ABI2: variants seen among roughly 807,000 people sequenced by gnomAD.
ABI2 encodes the protein abelson interactor 2.
A neutral mutation model predicts 59.2 loss-of-function variants in ABI2; 25 were observed. That is an observed-to-expected ratio of 0.42 (90% CI 0.31 to 0.59). The LOEUF (loss-of-function observed/expected upper bound fraction) is 0.59, where lower values mean the gene tolerates loss of function less well. Among genes scored for constraint, ABI2 ranks in the 20% least tolerant of loss-of-function variants. The pLI, the probability that ABI2 is intolerant of heterozygous loss-of-function variation, is 0.14. For missense variants in ABI2, 545 were observed against 681.8 expected, an observed-to-expected ratio of 0.80 and a Z score of 2.23; for synonymous variants, 213 against 235.5, an observed-to-expected ratio of 0.90 and a Z score of 0.87.
intron 4 of ABI2, 145 bp downstream of exon 4, chr2:203,382,351 T>G (rs191090792): frequency 6.7e-4 from 489 of 728,730 alleles, no homozygotes; most frequent in Non-Finnish European, 9.5e-4. Context: ...CATGCAACTT[T>G]GTGGTGTGTC....
Position 203,379,601 on chromosome 2 carries a change from T to G in ABI2, c.286-607T>G, listed in dbSNP as rs529730887. Among the ~76,000 whole-genome samples the G allele has an allele frequency of 5.3e-5, 8 of 152,184 alleles. No homozygotes were observed. The South Asian group carries it at 1.4e-3, about 28-fold the overall frequency. On this transcript the variant is annotated intron_variant, in intron 2 of 11. Transcript: ENST00000261018. ...AAATAAAAAGATGTTTAAACATGAA[T>G]AGAAATTATACTAATAGGTCATTAG...
intron 1 of ABI2, among the ~76,000 whole-genome samples, chr2:203,343,808 A>G (rs771562083): frequency 8.5e-5 from 13 of 152,180 alleles, no homozygotes; most frequent in Non-Finnish European, 1.5e-4. Context: ...CCTTTCCAAA[A>G]GTAACAGTTT....
At chr2:203,401,620 T>C (rs3769676) in intron 8 of ABI2, among the ~76,000 whole-genome samples, 40,770 of 152,086 alleles carry the variant, frequency 0.27, 6,800 homozygotes, top group South Asian at 0.51. Context: ...AGGGATGATA[T>C]TAAAAATAAG....
intron 4 of ABI2, among the ~76,000 whole-genome samples, chr2:203,388,949 G>A (rs1336446004): frequency 6.6e-6 from 1 of 151,884 alleles, no homozygotes; most frequent in Admixed American, 6.6e-5. Flanking sequence ...AATTGATGTA[G>A]TTTTAGTGTT....
intron 1 of ABI2, among the ~76,000 whole-genome samples, chr2:203,363,706 A>G (rs1221751726): frequency 6.6e-6 from 1 of 152,036 alleles, no homozygotes; most frequent in Non-Finnish European, 1.5e-5. Flanking sequence ...AAATGACTGA[A>G]TCTCATTATT....
At chr2:203,401,967 T>C (rs536915353) in intron 8 of ABI2, among the ~76,000 whole-genome samples, 2 of 152,334 alleles carry the variant, frequency 1.3e-5, no homozygotes, top group South Asian at 4.1e-4. Flanking sequence ...AGATAAATTT[T>C]AATTAATTGT....
At position 203,391,092 on chromosome 2, in the gene ABI2, C is replaced by T; in HGVS notation, c.527C>T (p.Pro176Leu). 1 of 1,613,964 alleles carries T rather than the reference C, an allele frequency of 6.2e-7. No homozygotes were observed. The highest frequency in any genetic ancestry group is 1.1e-5 in the South Asian group (1 of 91,046). Reference sequence around the variant, plus strand: ...ATGGGTGGGCTGCCGCGTACAACACCTCCAACTCAGAAGCCCCCTAGTCCC... The same window carrying T: ...ATGGGTGGGCTGCCGCGTACAACACTTCCAACTCAGAAGCCCCCTAGTCCC... The part of the protein sequence containing the change: ...MKMGGLPRTT[P>L]PTQKPPSPPM... The change falls in exon 5 of 12, where the codon CCT becomes CTT. Residue 176 changes from proline (P) to leucine (L), a missense_variant. By Grantham distance (98) the Pro-to-Leu change is moderately conservative. This residue lies in a region of ABI2 where 410 missense variants were observed against 435.6 expected (regional missense o/e 0.94). Coordinates refer to ENST00000261018, the MANE Select transcript of ABI2 (RefSeq NM_001375670.1).
At chr2:203,395,451 A>ACG (rs1559322942) in intron 6 of ABI2, among the ~76,000 whole-genome samples, 2 of 134,328 alleles carry the variant, frequency 1.5e-5, no homozygotes, top group Non-Finnish European at 3.1e-5. Flanking sequence ...ATATATATAC[A>ACG]CACACACACA....
At chr2:203,407,781 T>G (rs2097492338) in intron 9 of ABI2, among the ~76,000 whole-genome samples, 1 of 152,188 alleles carries the variant, frequency 6.6e-6, no homozygotes, top group South Asian at 2.1e-4. Flanking sequence ...TGCTTCCTGC[T>G]CTTCTTTGCC....
At chr2:203,352,771 A>G (rs943761603) in intron 1 of ABI2, among the ~76,000 whole-genome samples, 2 of 152,256 alleles carry the variant, frequency 1.3e-5, no homozygotes, top group Non-Finnish European at 2.9e-5. Flanking sequence ...AGTACTGTAC[A>G]GTAATGTCCT....
Position 203,408,833 on chromosome 2 carries a change from CT to C in ABI2, c.1193-2436del, listed in dbSNP as rs1156536730. Among the ~76,000 whole-genome samples the C allele has an allele frequency of 1.6e-3, 136 of 87,212 alleles. 5 individuals carry two copies. In the South Asian group the frequency reaches 0.017, roughly 11 times the overall value. The allele number at this position is 87,212 out of a possible 152,430, so 57.2% of individuals were successfully genotyped here. On this transcript the variant is annotated intron_variant, in intron 9 of 11. Transcript: ENST00000261018. ...TTTTGTCTATGCTACCTTCTCCTTT[CT>C]TTTTTTTTTTTTTTTGAGACGGAGT...
At chr2:203,374,633 CTT>C (rs1473517258) in intron 2 of ABI2, among the ~76,000 whole-genome samples, 1 of 151,322 alleles carries the variant, frequency 6.6e-6, no homozygotes, top group Non-Finnish European at 1.5e-5. Context: ...TTTTATATCA[CTT>C]TATATAAAAA....
chr2:203,364,852 A>G (rs1040142137), intron 1 of ABI2, among the ~76,000 whole-genome samples: 5 of 151,210 alleles, frequency 3.3e-5, no homozygotes, highest in East Asian at 2.0e-4. Context: ...TCCCACCTCA[A>G]CCTCTCTAGT....
At chr2:203,411,858 G>A (rs2097690009) in intron 10 of ABI2, among the ~76,000 whole-genome samples, 1 of 152,148 alleles carries the variant, frequency 6.6e-6, no homozygotes, top group Non-Finnish European at 1.5e-5. Flanking sequence ...GCCTGTTCAG[G>A]TAACTAATTT....
chr2:203,367,009 C>G lies in ABI2; in HGVS notation c.250C>G (p.Arg84Gly). The G allele has an allele frequency of 6.2e-7, 1 of 1,613,582 alleles. No individual in the cohort carries two copies. Among genetic ancestry groups the G allele is most frequent in the Non-Finnish European group, 8.5e-7 (1 of 1,179,746 alleles). ...GCTGGATATCCAGGCATCCCAGCTA[C>G]GAAGGATGGAATCTTCAATCAATCA... is the stretch of plus-strand genomic sequence containing the variant. ...QMLDIQASQLRRMESSINHIS... is the reference protein window; with the variant it reads ...QMLDIQASQLGRMESSINHIS... Residue 84 changes from arginine (R) to glycine (G), a missense_variant, in exon 2 of 12, where the codon CGA becomes GGA. By Grantham distance (125) the Arg-to-Gly change is moderately radical (BLOSUM62 -2). Coordinates refer to ENST00000261018, the MANE Select transcript of ABI2 (RefSeq NM_001375670.1).
intron 1 of ABI2, among the ~76,000 whole-genome samples, chr2:203,360,516 A>G (rs2093340022): frequency 6.6e-6 from 1 of 152,210 alleles, no homozygotes; most frequent in African/African-American, 2.4e-5. Context: ...TGAGGTAAGA[A>G]GAATTAAAGC....
At chr2:203,423,848 TC>T (rs2098326596) in intron 11 of ABI2, among the ~76,000 whole-genome samples, 1 of 152,238 alleles carries the variant, frequency 6.6e-6, no homozygotes, top group African/African-American at 2.4e-5. Context: ...GAAGTTTTTT[TC>T]AGTTTTACAG....
intron 10 of ABI2, among the ~76,000 whole-genome samples, chr2:203,415,099 T>A (rs1346860216): frequency 6.6e-6 from 1 of 152,240 alleles, no homozygotes; most frequent in African/African-American, 2.4e-5. Flanking sequence ...CAAATGGAAA[T>A]AGGATAAATT....
In ABI2 at chr2:203,402,749, T is replaced by G. The variant is rs780103431; in HGVS notation, c.1192+15T>G. ...CCAGAATCCAGGTTAGTTTTTTTGT[T>G]TTTTTGCATTCTATAGAATGTATTT... On this transcript the variant is annotated intron_variant, in intron 9 of 11. Transcript: ENST00000261018. The G allele has an allele frequency of 6.5e-7, 1 of 1,550,228 alleles. No homozygotes were observed. Among genetic ancestry groups the G allele is most frequent in the South Asian group, 1.3e-5 (1 of 78,862 alleles).
Sources: allele counts gnomAD v4.1 joint callset (sites outside exome capture counted in the v4.1 genomes callset), GRCh38; gene constraint gnomAD v4.1.1; regional missense constraint gnomAD v4.1.1; transcripts MANE v1.5; gene names NCBI Gene and HGNC (gene_info 2026-07-23, HGNC 2026-07-21).